Variants in AFF2 observed in about 807,000 individuals in gnomAD.
AFF2 encodes ALF transcription elongation factor 2, also known as AF4/FMR2 family member 2.
In AFF2, 14 loss-of-function variants were observed where a neutral mutation model predicts 76.9. The ratio of observed to expected loss-of-function variants is 0.18; its 90% CI spans 0.12 to 0.28. The LOEUF (loss-of-function observed/expected upper bound fraction) is 0.28. Ranked by LOEUF, AFF2 falls within the 10% of genes least tolerant of loss-of-function variation. The pLI is 1.00. For missense variants in AFF2, 868 were observed against 1,001.1 expected, an observed-to-expected ratio of 0.87 and a Z score of 1.79; for synonymous variants, 398 against 366.7, an observed-to-expected ratio of 1.09 and a Z score of -0.98.
intron 1 of AFF2, among the ~76,000 whole-genome samples, chrX:148,519,423 A>C (rs1557234241): frequency 8.9e-6 from 1 of 112,663 alleles, no homozygotes; most frequent in Admixed American, 9.4e-5. Flanking sequence ...AATCACTTGC[A>C]GCAATTTCTA....
intron 3 of AFF2, among the ~76,000 whole-genome samples, chrX:148,735,242 C>T (rs1317226424): frequency 8.9e-6 from 1 of 112,532 alleles, no homozygotes; most frequent in Non-Finnish European, 1.9e-5. Context: ...CTCTGATGCA[C>T]AGTTCTCTTT....
chrX:148,904,498 G>T (rs2071387757), intron 9 of AFF2: 1 of 328,420 alleles, frequency 3.0e-6, no homozygotes, highest in Non-Finnish European at 5.2e-6. Context: ...ATTAATATGT[G>T]CAATCCATGA....
At chrX:148,666,428 TA>T (rs1393210287) in intron 3 of AFF2, among the ~76,000 whole-genome samples, 1 of 109,267 alleles carries the variant, frequency 9.2e-6, no homozygotes, top group African/African-American at 3.3e-5. Context: ...CTACCAAAAA[TA>T]CAAAAAATAG....
Position 148,977,004 on chromosome X carries a change from G to C in AFF2, c.3405-929G>C, listed in dbSNP as rs148630285. Among the ~76,000 whole-genome samples, 889 of 112,051 alleles carry C rather than the reference G, an allele frequency of 7.9e-3. 9 individuals carry two copies. Among genetic ancestry groups the C allele is most frequent in the African/African-American group, 0.027 (821 of 30,764 alleles). Reference sequence around the variant, plus strand: ...GAGCCTGGGCTCCCCAGTGTTCTGCGGGGGAAGGTTGCTGAAAGCGAGGAG... The same window carrying C: ...GAGCCTGGGCTCCCCAGTGTTCTGCCGGGGAAGGTTGCTGAAAGCGAGGAG... On this transcript the variant is annotated intron_variant, in intron 16 of 20. Coordinates refer to ENST00000370460, the MANE Select transcript of AFF2 (RefSeq NM_002025.4).
chrX:148,504,915 G>A (rs1399255568), intron 1 of AFF2, among the ~76,000 whole-genome samples: 1 of 103,389 alleles, frequency 9.7e-6, no homozygotes, highest in Non-Finnish European at 2.0e-5. Context: ...GTTTATGGAT[G>A]GGAAGGTGTG....
chrX:148,706,391 C>T (rs898584415), intron 3 of AFF2, among the ~76,000 whole-genome samples: 20 of 112,412 alleles, frequency 1.8e-4, no homozygotes, highest in African/African-American at 4.9e-4. Flanking sequence ...GGTTCTCCCA[C>T]CATTGAATCC....
At chrX:148,796,501 G>A (rs2069984739) in intron 3 of AFF2, among the ~76,000 whole-genome samples, 1 of 112,245 alleles carries the variant, frequency 8.9e-6, no homozygotes, top group Non-Finnish European at 1.9e-5. Context: ...TGGAAACCGG[G>A]CTTCGACTTT....
chrX:148,800,320 A>G (rs1329872760), intron 3 of AFF2, among the ~76,000 whole-genome samples: 1 of 111,871 alleles, frequency 8.9e-6, no homozygotes, highest in Admixed American at 9.5e-5. Flanking sequence ...AGGTTAGTAC[A>G]AAAGTAGAGC....
At chrX:148,676,477 G>C (rs1174992551) in intron 3 of AFF2, among the ~76,000 whole-genome samples, 12 of 111,941 alleles carry the variant, frequency 1.1e-4, no homozygotes, top group African/African-American at 3.9e-4. Flanking sequence ...TTGTGTGCCA[G>C]GTACCATGCC....
At chrX:148,700,790 C>T (rs1462769520) in intron 3 of AFF2, among the ~76,000 whole-genome samples, 1 of 110,966 alleles carries the variant, frequency 9.0e-6, no homozygotes, top group African/African-American at 3.3e-5. Context: ...TTTAGCCCTA[C>T]TCTGTTGCTA....
intron 1 of AFF2, among the ~76,000 whole-genome samples, chrX:148,578,965 G>A (rs2053322271): frequency 9.0e-6 from 1 of 111,368 alleles, no homozygotes; most frequent in East Asian, 2.8e-4. Context: ...TTTGAGGTGG[G>A]TTCCACTAGA....
chrX:148,878,991 T>G (rs782556363), intron 7 of AFF2, among the ~76,000 whole-genome samples: 1 of 112,137 alleles, frequency 8.9e-6, no homozygotes, highest in African/African-American at 3.2e-5. Flanking sequence ...ATTGGTATTG[T>G]GATGAATGTA....
At chrX:148,885,794 G>A (rs1323086177) in intron 7 of AFF2, 95 bp from the exon 8 acceptor site, 9 of 739,083 alleles carry the variant, frequency 1.2e-5, no homozygotes, top group Admixed American at 4.5e-5. Flanking sequence ...CTGTCAGATT[G>A]TAGCTCCAAT....
rs1053626148 is a variant in AFF2 at position 148,594,563 on chromosome X, A to C, written c.48-57436A>C. ...AAAGGACTGGAGATATGTGAGAGGA[A>C]ATAACCAAATTTCAGAAGCTGGAAA... On this transcript the variant is annotated intron_variant, in intron 1 of 20. Coordinates refer to ENST00000370460, the MANE Select transcript of AFF2 (RefSeq NM_002025.4). Among the ~76,000 whole-genome samples, 8 of 111,504 alleles carry C rather than the reference A, an allele frequency of 7.2e-5. No homozygotes were observed. The South Asian group carries it at 1.9e-3, about 26-fold the overall frequency.
intron 1 of AFF2, among the ~76,000 whole-genome samples, chrX:148,582,039 C>G (rs1177513890): frequency 9.0e-6 from 1 of 111,494 alleles, no homozygotes; most frequent in African/African-American, 3.3e-5. Context: ...AAATACAGGG[C>G]AGTTATTTTG....
intron 7 of AFF2, among the ~76,000 whole-genome samples, chrX:148,853,892 G>A (rs1349577759): frequency 8.9e-6 from 1 of 111,896 alleles, no homozygotes; most frequent in Admixed American, 9.5e-5. Context: ...AGGAAACATT[G>A]TTCAATTTAG....
Position 148,990,534 on chromosome X carries a change from G to A in AFF2, c.3815-677G>A, listed in dbSNP as rs781825876. Reference sequence around the variant, plus strand: ...GCAGACGTTCCAAAACTCCAGTCGCGCTAGTTAGTAGTGTAGCCTCAGGGC... The same window carrying A: ...GCAGACGTTCCAAAACTCCAGTCGCACTAGTTAGTAGTGTAGCCTCAGGGC... On this transcript the variant is annotated intron_variant, in intron 20 of 20. Coordinates refer to ENST00000370460, the MANE Select transcript of AFF2 (RefSeq NM_002025.4). Among the ~76,000 whole-genome samples, 5 of 112,567 alleles carry A rather than the reference G, an allele frequency of 4.4e-5. No homozygotes were observed. The East Asian group carries it at 1.4e-3, about 31-fold the overall frequency.
chrX:148,606,126 A>AT (rs1240268504), intron 1 of AFF2, among the ~76,000 whole-genome samples: 1 of 112,424 alleles, frequency 8.9e-6, no homozygotes, highest in Admixed American at 9.4e-5. Context: ...TATAATCATG[A>AT]TAAAACCTAG....
intron 7 of AFF2, among the ~76,000 whole-genome samples, chrX:148,873,979 A>G (rs1429617157): frequency 1.6e-4 from 18 of 111,691 alleles, no homozygotes; most frequent in African/African-American, 5.5e-4. Flanking sequence ...TTCTCCACGT[A>G]TCTATATTTA....
Sources: allele counts gnomAD v4.1 joint callset (sites outside exome capture counted in the v4.1 genomes callset), GRCh38; gene constraint gnomAD v4.1.1; transcripts MANE v1.5; gene names NCBI Gene and HGNC (gene_info 2026-07-23, HGNC 2026-07-21).